BTBD1: variants seen among roughly 807,000 people sequenced by gnomAD.
BTBD1 encodes BTB/POZ domain-containing protein 1.
BTBD1 carries 34 observed loss-of-function variants against 48.0 expected under a neutral mutation model. The ratio of observed to expected loss-of-function variants is 0.71; its 90% CI spans 0.54 to 0.94. The LOEUF (loss-of-function observed/expected upper bound fraction) is 0.94, where lower values mean the gene tolerates loss of function less well. Ranked by LOEUF, BTBD1 falls within the 40% of genes least tolerant of loss-of-function variation. BTBD1 has a pLI of 0.00. For missense variants in BTBD1, 543 were observed against 625.6 expected (o/e 0.87, Z 1.41); for synonymous variants, 261 against 242.1 (o/e 1.08, Z -0.72).
chr15:83,037,856 G>T (rs1189164342), intron 4 of BTBD1, among the ~76,000 whole-genome samples: 1 of 152,152 alleles, frequency 6.6e-6, no homozygotes, highest in Non-Finnish European at 1.5e-5. Context: ...GCCAAGACAG[G>T]GTGGATCACC....
chr15:83,065,355 T>C (rs1283195728), intron 1 of BTBD1, among the ~76,000 whole-genome samples: 1 of 152,258 alleles, frequency 6.6e-6, no homozygotes, highest in African/African-American at 2.4e-5. Flanking sequence ...TAATTTGCAC[T>C]TCCTAATTAC....
intron 2 of BTBD1, among the ~76,000 whole-genome samples, chr15:83,054,764 G>A (rs1401908679): frequency 6.6e-6 from 1 of 152,056 alleles, no homozygotes; most frequent in East Asian, 1.9e-4. Context: ...GTTTCACCAT[G>A]TTGGCCAGGA....
chr15:83,051,904 AT>A (rs1482857753), intron 2 of BTBD1, among the ~76,000 whole-genome samples: 5 of 149,978 alleles, frequency 3.3e-5, no homozygotes, highest in Admixed American at 1.3e-4. Flanking sequence ...ACACACACAC[AT>A]CTATCTGGGA....
At chr15:83,046,543 G>A (rs1369978791) in intron 3 of BTBD1, among the ~76,000 whole-genome samples, 2 of 152,126 alleles carry the variant, frequency 1.3e-5, no homozygotes, top group Non-Finnish European at 2.9e-5. Flanking sequence ...AAGATTCCCA[G>A]GCTCCAACGG....
intron 4 of BTBD1, among the ~76,000 whole-genome samples, chr15:83,033,801 G>C: frequency 6.6e-6 from 1 of 151,840 alleles, no homozygotes; most frequent in East Asian, 1.9e-4. Flanking sequence ...GGCTGGTCTT[G>C]AACTCGACTC....
chr15:83,023,978 C>G (rs1343426825), intron 5 of BTBD1: 2 of 152,334 alleles, frequency 1.3e-5, no homozygotes, highest in African/African-American at 4.8e-5. Flanking sequence ...AGCGATCCTC[C>G]CAACTCAGCC....
chr15:83,052,708 G>A (rs1435894621), intron 2 of BTBD1, among the ~76,000 whole-genome samples: 1 of 145,062 alleles, frequency 6.9e-6, no homozygotes, highest in Non-Finnish European at 1.5e-5. Flanking sequence ...TCGGCTCATT[G>A]CAAGCTCTGC....
rs757369622 is a variant in BTBD1, at chr15:83,066,693, TCCCAG to T, written c.401+53_401+57del. ...CCGGGTAGGCCGGGCCCCGGGGATCTCCCAGCCCGGCCCGGCCCGGCCCGGCCCGG... is the reference window on the plus strand; with the variant it reads ...CCGGGTAGGCCGGGCCCCGGGGATCTCCCGGCCCGGCCCGGCCCGGCCCGG... On this transcript the variant is annotated intron_variant, in intron 1 of 7. Transcript: ENST00000261721. 377 of 1,217,370 alleles carry T rather than the reference TCCCAG, an allele frequency of 3.1e-4. 1 individual carries two copies. The highest frequency in any genetic ancestry group is 2.4e-3 in the African/African-American group (109 of 45,680). 75.4% of individuals were successfully genotyped at this position (1,217,370 alleles called of 1,614,324 possible).
chr15:83,040,568 T>G (rs1472801891), intron 4 of BTBD1, among the ~76,000 whole-genome samples: 9 of 151,666 alleles, frequency 5.9e-5, no homozygotes. Context: ...TTTGTGGCGG[T>G]GCACGCCTGT....
intron 5 of BTBD1, among the ~76,000 whole-genome samples, chr15:83,025,410 T>G (rs535879807): frequency 1.3e-5 from 2 of 149,304 alleles, no homozygotes; most frequent in South Asian, 4.2e-4. Flanking sequence ...TCCACTACCT[T>G]AAAATAGTAT....
At chr15:83,058,827 T>C (rs2033131441) in intron 1 of BTBD1, among the ~76,000 whole-genome samples, 1 of 152,090 alleles carries the variant, frequency 6.6e-6, no homozygotes, top group African/African-American at 2.4e-5. Context: ...TCTATGAGAA[T>C]CTATAAATGC....
chr15:83,033,389 T>A (rs2032561815), intron 4 of BTBD1, among the ~76,000 whole-genome samples: 1 of 151,924 alleles, frequency 6.6e-6, no homozygotes, highest in Non-Finnish European at 1.5e-5. Context: ...AAAATGAAGA[T>A]AACTGAAAGG....
intron 4 of BTBD1, among the ~76,000 whole-genome samples, chr15:83,033,753 T>A (rs1331469871): frequency 1.3e-5 from 2 of 151,316 alleles, no homozygotes; most frequent in African/African-American, 2.4e-5. Context: ...AATTTTTAAA[T>A]TTTTTTTTGT....
At chr15:83,063,055 T>C (rs1421114562) in intron 1 of BTBD1, among the ~76,000 whole-genome samples, 2 of 152,204 alleles carry the variant, frequency 1.3e-5, no homozygotes, top group Non-Finnish European at 2.9e-5. Context: ...CTGACCACTT[T>C]CCACTTTCCA....
At chr15:83,049,993 T>C (rs1596441120) in intron 3 of BTBD1, 80 bp downstream of exon 3, 2 of 769,000 alleles carry the variant, frequency 2.6e-6, no homozygotes, top group East Asian at 2.6e-5. Context: ...GATTTAAAAA[T>C]AGCCCCTTCT....
intron 3 of BTBD1, among the ~76,000 whole-genome samples, chr15:83,049,371 A>G (rs569434393): frequency 1.9e-4 from 29 of 152,212 alleles, no homozygotes; most frequent in African/African-American, 5.5e-4. Flanking sequence ...CCAGGCGTCC[A>G]TTTTTTTCTT....
In BTBD1 at chr15:83,046,125, A is replaced by G. The variant is rs144472977; in HGVS notation, c.664+3948T>C. 1.9e-3 allele frequency among the ~76,000 whole-genome samples: 294 copies of G among 152,106 alleles called. 2 individuals are homozygous for G. Among genetic ancestry groups the G allele is most frequent in the Admixed American group, 5.5e-3 (84 of 15,270 alleles). On this transcript the variant is annotated intron_variant, in intron 3 of 7. Transcript: ENST00000261721. ...TTACCAATTTTTGGGGCTAGGCATA[A>G]TAGTTCACACCTGTAATCCCAGCAC... is the stretch of plus-strand genomic sequence containing the variant.
intron 4 of BTBD1, among the ~76,000 whole-genome samples, chr15:83,034,104 A>G (rs1464234464): frequency 2.7e-5 from 4 of 150,246 alleles, no homozygotes; most frequent in South Asian, 2.1e-4. Flanking sequence ...AAAAAAAAAA[A>G]AAAGAAAAAG....
chr15:83,030,460 A>G, intron 4 of BTBD1, 132 bp from the exon 5 acceptor site: 1 of 685,848 alleles, frequency 1.5e-6, no homozygotes, highest in Non-Finnish European at 2.5e-6. Flanking sequence ...AGCATATATA[A>G]TTTTTGCATA....
Sources: allele counts gnomAD v4.1 joint callset (sites outside exome capture counted in the v4.1 genomes callset), GRCh38; gene constraint gnomAD v4.1.1; transcripts MANE v1.5; gene names NCBI Gene and HGNC (gene_info 2026-07-23, HGNC 2026-07-21).